The following SPOCK1 variants were observed in gnomAD, a reference collection of about 807,000 sequenced individuals.
SPOCK1 encodes the protein testican-1.
In SPOCK1, 23 loss-of-function variants were observed where a neutral mutation model predicts 55.3. The observed-to-expected ratio is 0.42, with a 90% CI of 0.30 to 0.59. SPOCK1 has a LOEUF of 0.59. Ranked by LOEUF, SPOCK1 falls within the 20% of genes least tolerant of loss-of-function variation. The pLI is 0.22. For missense variants in SPOCK1, 499 were observed against 552.5 expected, an observed-to-expected ratio of 0.90 and a Z score of 0.97; for synonymous variants, 226 against 221.0, an observed-to-expected ratio of 1.02 and a Z score of -0.20.
rs531394047 is a variant in SPOCK1 at position 137,445,796 on chromosome 5, G to A, written c.186+52577C>T. On this transcript the variant is annotated intron_variant, in intron 2 of 10. Coordinates refer to ENST00000394945, the MANE Select transcript of SPOCK1 (RefSeq NM_004598.4). ...GACATGGTCTGAAGAATTTATAAAC[G>A]GTATAGCCACTTCTCACTGCTAGCA... 5.1e-4 allele frequency among the ~76,000 whole-genome samples: 78 copies of A among 152,168 alleles called. 1 individual carries two copies. In the South Asian group the frequency reaches 7.7e-3, roughly 15 times the overall value.
rs557305434 is a variant in SPOCK1 at position 137,128,421 on chromosome 5, G to A, written c.347+12159C>T. On this transcript the variant is annotated intron_variant, in intron 4 of 10. Transcript: ENST00000394945. ...AACCTCTGTGAGATTAGCAAGGATT[G>A]TTCCCCCATCTGATTGTTCCCTGAG... Among the ~76,000 whole-genome samples, 4 of 152,332 alleles carry A rather than the reference G, an allele frequency of 2.6e-5. No individual in the cohort carries two copies. The East Asian group carries it at 5.8e-4, about 22-fold the overall frequency.
rs979336839 is a variant in SPOCK1 at position 136,975,382 on chromosome 5, T to C, written c.*3272A>G. ...TAAGCATTTACTATTAACCAAAGAG[T>C]TGTGTTCACATTCCAGATAAGTCTA... On this transcript the variant is annotated 3_prime_UTR_variant, in exon 11 of 11. Coordinates refer to ENST00000394945, the MANE Select transcript of SPOCK1 (RefSeq NM_004598.4). 3 of 152,448 alleles carry C rather than the reference T, an allele frequency of 2.0e-5. No individual in the cohort carries two copies. The highest frequency in any genetic ancestry group is 4.8e-5 in the African/African-American group (2 of 41,376). 9.4% of individuals were successfully genotyped at this position (152,448 alleles called of 1,614,324 possible). A position where few individuals can be genotyped will look rare whatever the true frequency, so the allele number is the denominator to read the frequency against.
intron 6 of SPOCK1, among the ~76,000 whole-genome samples, chr5:136,993,770 G>A (rs1465584743): frequency 6.6e-6 from 1 of 152,142 alleles, no homozygotes; most frequent in Non-Finnish European, 1.5e-5. Flanking sequence ...GGGAATCCCT[G>A]GGGTCTTCAC....
At chr5:137,237,574 T>G (rs1756203706) in intron 3 of SPOCK1, among the ~76,000 whole-genome samples, 1 of 152,236 alleles carries the variant, frequency 6.6e-6, no homozygotes, top group Admixed American at 6.5e-5. Flanking sequence ...AAATACTCCA[T>G]TTTGTAAACA....
chr5:137,356,961 G>C (rs1750832578), intron 2 of SPOCK1, among the ~76,000 whole-genome samples: 1 of 146,898 alleles, frequency 6.8e-6, no homozygotes, highest in Non-Finnish European at 1.5e-5. Flanking sequence ...GCTTAATATA[G>C]CTATAGGGCA....
In SPOCK1 at chr5:137,367,202, T is replaced by C. The variant is rs539307248; in HGVS notation, c.187-100147A>G. On this transcript the variant is annotated intron_variant, in intron 2 of 10. Coordinates refer to ENST00000394945, the MANE Select transcript of SPOCK1 (RefSeq NM_004598.4). ...GCCTAAGCTGATGCCCTTCCTTTGC[T>C]ACTTGAAGTGAAACACTGACAATCA... Among the ~76,000 whole-genome samples, 3 of 152,326 alleles carry C rather than the reference T, an allele frequency of 2.0e-5. No homozygotes were observed. In the East Asian group the frequency reaches 5.8e-4, roughly 29 times the overall value.
intron 5 of SPOCK1, among the ~76,000 whole-genome samples, chr5:137,102,251 G>C (rs1753285402): frequency 1.3e-5 from 2 of 152,248 alleles, no homozygotes; most frequent in South Asian, 4.1e-4. Context: ...CTGGATATAA[G>C]ATTTCATTAA....
intron 2 of SPOCK1, among the ~76,000 whole-genome samples, chr5:137,437,547 T>A (rs1752891249): frequency 6.6e-6 from 1 of 152,252 alleles, no homozygotes; most frequent in African/African-American, 2.4e-5. Flanking sequence ...GTAGTTTTTT[T>A]AAATTGTGGT....
At chr5:137,245,801 G>A (rs1164547081) in intron 3 of SPOCK1, among the ~76,000 whole-genome samples, 1 of 148,140 alleles carries the variant, frequency 6.8e-6, no homozygotes, top group African/African-American at 2.5e-5. Flanking sequence ...AAAAAAAACT[G>A]TCTTGAGATA....
chr5:136,998,235 A>T (rs1278768986), intron 6 of SPOCK1, among the ~76,000 whole-genome samples: 1 of 152,182 alleles, frequency 6.6e-6, no homozygotes, highest in Non-Finnish European at 1.5e-5. Flanking sequence ...TCCTTATTTT[A>T]TACATGGGTC....
intron 6 of SPOCK1, among the ~76,000 whole-genome samples, chr5:137,043,916 A>G (rs1201624045): frequency 6.6e-6 from 1 of 152,242 alleles, no homozygotes; most frequent in Non-Finnish European, 1.5e-5. Flanking sequence ...TAATGTATTG[A>G]TATTTGTTAA....
chr5:137,225,207 TG>T (rs1755922695), intron 3 of SPOCK1, among the ~76,000 whole-genome samples: 1 of 152,026 alleles, frequency 6.6e-6, no homozygotes, highest in Non-Finnish European at 1.5e-5. Flanking sequence ...AGTGGCCAAG[TG>T]CAGAACTGGG....
intron 2 of SPOCK1, among the ~76,000 whole-genome samples, chr5:137,375,677 T>C (rs923296951): frequency 5.3e-5 from 8 of 152,246 alleles, no homozygotes; most frequent in African/African-American, 1.7e-4. Flanking sequence ...GCCAGACTCA[T>C]TTAAGAAAGA....
In SPOCK1 at chr5:137,004,393, T is replaced by C. The variant is rs546867159; in HGVS notation, c.590-11793A>G. Among the ~76,000 whole-genome samples, 183 of 152,230 alleles carry C rather than the reference T, an allele frequency of 1.2e-3. 1 individual carries two copies. Among genetic ancestry groups the C allele is most frequent in the African/African-American group, 4.2e-3 (176 of 41,548 alleles). On this transcript the variant is annotated intron_variant, in intron 6 of 10. Transcript: ENST00000394945. ...GTACGACTTACTACTCTTCTCACTCTTCAGGTCATGCAAGTCTCTCAATCA... is the reference window on the plus strand; with the variant it reads ...GTACGACTTACTACTCTTCTCACTCCTCAGGTCATGCAAGTCTCTCAATCA...
chr5:136,985,796 C>T (rs756182963), intron 8 of SPOCK1, among the ~76,000 whole-genome samples: 19 of 152,154 alleles, frequency 1.2e-4, no homozygotes, highest in African/African-American at 4.1e-4. Flanking sequence ...GGGTCCTCAG[C>T]GGCAAAATGC....
intron 2 of SPOCK1, among the ~76,000 whole-genome samples, chr5:137,375,114 T>C (rs561482360): frequency 3.0e-4 from 46 of 152,282 alleles, no homozygotes; most frequent in African/African-American, 9.4e-4. Context: ...GAATAAACGA[T>C]GGCCAACATC....
intron 3 of SPOCK1, among the ~76,000 whole-genome samples, chr5:137,187,888 G>C (rs969723576): frequency 6.6e-6 from 1 of 152,186 alleles, no homozygotes; most frequent in African/African-American, 2.4e-5. Context: ...ACATGGAAGG[G>C]TTATGATCCA....
At chr5:137,293,769 C>G (rs1388966226) in intron 2 of SPOCK1, among the ~76,000 whole-genome samples, 9 of 152,230 alleles carry the variant, frequency 5.9e-5, no homozygotes, top group Non-Finnish European at 1.3e-4. Context: ...GTAATCCCAG[C>G]ACTTTGGGAG....
At chr5:137,433,985 A>G (rs1183679608) in intron 2 of SPOCK1, among the ~76,000 whole-genome samples, 1 of 152,252 alleles carries the variant, frequency 6.6e-6, no homozygotes, top group African/African-American at 2.4e-5. Context: ...AAAAATTGCA[A>G]TTACCAAAGA....
Sources: allele counts gnomAD v4.1 joint callset (sites outside exome capture counted in the v4.1 genomes callset), GRCh38; gene constraint gnomAD v4.1.1; transcripts MANE v1.5; gene names NCBI Gene and HGNC (gene_info 2026-07-23, HGNC 2026-07-21).